The following NRXN3 variants were observed in gnomAD, a reference collection of about 807,000 sequenced individuals.
NRXN3 encodes neurexin III.
A neutral mutation model predicts 137.6 loss-of-function variants in NRXN3; 32 were observed. The observed-to-expected ratio is 0.23, with a 90% CI of 0.18 to 0.31. The LOEUF (loss-of-function observed/expected upper bound fraction) is 0.31. Among genes scored for constraint, NRXN3 ranks in the 10% least tolerant of loss-of-function variants. The pLI is 1.00. For synonymous variants in NRXN3, 798 were observed against 784.5 expected, an observed-to-expected ratio of 1.02 and a Z score of -0.29; for missense variants, 1,574 against 2,062.5, an observed-to-expected ratio of 0.76 and a Z score of 4.59.
At chr14:79,631,349 T>C (rs1392335749) in intron 16 of NRXN3, among the ~76,000 whole-genome samples, 1 of 152,258 alleles carries the variant, frequency 6.6e-6, no homozygotes, top group Non-Finnish European at 1.5e-5. Context: ...CCTCAGCGTC[T>C]GCTCTGGCTG....
At chr14:79,765,561 C>T (rs1427896349) in intron 19 of NRXN3, among the ~76,000 whole-genome samples, 1 of 152,186 alleles carries the variant, frequency 6.6e-6, no homozygotes, top group African/African-American at 2.4e-5. Flanking sequence ...GGCTATGTGC[C>T]TAGCAATGCC....
At chr14:79,239,254 C>T (rs2073909933) in intron 15 of NRXN3, among the ~76,000 whole-genome samples, 1 of 152,048 alleles carries the variant, frequency 6.6e-6, no homozygotes. Flanking sequence ...TTGTACTGTA[C>T]TCACTTATTT....
chr14:78,553,194 C>T (rs898961471), intron 4 of NRXN3, among the ~76,000 whole-genome samples: 1 of 151,966 alleles, frequency 6.6e-6, no homozygotes, highest in Non-Finnish European at 1.5e-5. Context: ...TCATTTACGC[C>T]GTCCTTTGTC....
chr14:78,709,099 G>A (rs972540561), intron 6 of NRXN3, 118 bp from the exon 7 acceptor site: 2 of 837,434 alleles, frequency 2.4e-6, no homozygotes, highest in Non-Finnish European at 3.7e-6. Context: ...TTCTCATGTT[G>A]TTTTGGGCTA....
chr14:78,873,821 A>C (rs574731833), intron 10 of NRXN3, among the ~76,000 whole-genome samples: 1 of 152,116 alleles, frequency 6.6e-6, no homozygotes, highest in African/African-American at 2.4e-5. Flanking sequence ...TCTACGTTTT[A>C]ATGAGGTCCC....
chr14:78,200,623 A>G (rs575588616), intron 1 of NRXN3, among the ~76,000 whole-genome samples: 2 of 152,332 alleles, frequency 1.3e-5, no homozygotes, highest in South Asian at 4.1e-4. Flanking sequence ...TGTCCTAGAC[A>G]GATCTTGCAG....
chr14:78,857,754 A>T (rs1183295763), intron 10 of NRXN3, among the ~76,000 whole-genome samples: 1 of 152,104 alleles, frequency 6.6e-6, no homozygotes, highest in East Asian at 1.9e-4. Context: ...ATAAATAGGG[A>T]AAATCTGGGT....
intron 1 of NRXN3, among the ~76,000 whole-genome samples, chr14:78,223,256 C>T (rs1402742839): frequency 6.6e-6 from 1 of 152,186 alleles, no homozygotes; most frequent in Non-Finnish European, 1.5e-5. Flanking sequence ...CTTTAATATT[C>T]TATTGTTCAT....
intron 15 of NRXN3, among the ~76,000 whole-genome samples, chr14:79,369,874 T>C (rs1367826812): frequency 6.6e-6 from 1 of 152,160 alleles, no homozygotes; most frequent in African/African-American, 2.4e-5. Flanking sequence ...AGTTAAGAAA[T>C]AGTGATACTG....
At chr14:78,244,886 A>G (rs1425998525) in intron 2 of NRXN3, among the ~76,000 whole-genome samples, 2 of 152,228 alleles carry the variant, frequency 1.3e-5, no homozygotes, top group African/African-American at 4.8e-5. Flanking sequence ...AGGGAGAAGC[A>G]GGGAGGCACA....
At chr14:79,729,947 G>A (rs1466779881) in intron 19 of NRXN3, among the ~76,000 whole-genome samples, 1 of 152,108 alleles carries the variant, frequency 6.6e-6, no homozygotes, top group Admixed American at 6.6e-5. Flanking sequence ...TGAACCAAAA[G>A]CAAATTATTA....
chr14:78,258,811 C>T (rs117399303), intron 2 of NRXN3, among the ~76,000 whole-genome samples: 16 of 152,180 alleles, frequency 1.1e-4, no homozygotes, highest in Non-Finnish European at 1.9e-4. Context: ...TTTTCTTCTA[C>T]CTTCAATGTA....
At chr14:78,879,913 GA>G (rs998859428) in intron 10 of NRXN3, among the ~76,000 whole-genome samples, 1 of 152,136 alleles carries the variant, frequency 6.6e-6, no homozygotes, top group Non-Finnish European at 1.5e-5. Context: ...GTTCTGGCAG[GA>G]AAACTGGTGA....
At chr14:78,581,801 T>C (rs746910937) in intron 4 of NRXN3, among the ~76,000 whole-genome samples, 1 of 152,170 alleles carries the variant, frequency 6.6e-6, no homozygotes, top group African/African-American at 2.4e-5. Flanking sequence ...GCTTACTGGT[T>C]ACTATACAGC....
intron 4 of NRXN3, among the ~76,000 whole-genome samples, chr14:78,380,791 T>C (rs948003522): frequency 5.2e-3 from 2 of 388 alleles, no homozygotes; most frequent in Admixed American, 0.067. Context: ...TCTTATCAAG[T>C]TTTTTTTTTT....
At chr14:78,310,024 C>T (rs2077786476) in intron 4 of NRXN3, among the ~76,000 whole-genome samples, 1 of 152,124 alleles carries the variant, frequency 6.6e-6, no homozygotes. Flanking sequence ...CTGGTTAAAA[C>T]ACTTCCAGTT....
At chr14:79,362,120 C>T (rs921995923) in intron 15 of NRXN3, among the ~76,000 whole-genome samples, 34 of 150,008 alleles carry the variant, frequency 2.3e-4, no homozygotes, top group Non-Finnish European at 4.1e-4. Flanking sequence ...CCACCATGCC[C>T]AGCTAATTTT....
chr14:78,779,713 A>G (rs1199852048), intron 8 of NRXN3, among the ~76,000 whole-genome samples: 1 of 152,216 alleles, frequency 6.6e-6, no homozygotes, highest in Non-Finnish European at 1.5e-5. Context: ...AAATTCATAT[A>G]CAATAGTGAC....
At chr14:78,443,579 A>T (rs1019696048) in intron 4 of NRXN3, among the ~76,000 whole-genome samples, 3 of 152,190 alleles carry the variant, frequency 2.0e-5, no homozygotes, top group African/African-American at 7.2e-5. Context: ...ACCTCTCTCC[A>T]GGAGAGTAAG....
Sources: allele counts gnomAD v4.1 joint callset (sites outside exome capture counted in the v4.1 genomes callset), GRCh38; gene constraint gnomAD v4.1.1; transcripts MANE v1.5; gene names NCBI Gene and HGNC (gene_info 2026-07-23, HGNC 2026-07-21).